SLC7A7: variants seen among roughly 807,000 people sequenced by gnomAD.
SLC7A7 encodes solute carrier family 7 member 7.
SLC7A7 carries 39 observed loss-of-function variants against 47.9 expected under a neutral mutation model. The observed-to-expected ratio is 0.81, with a 90% CI of 0.63 to 1.06. The LOEUF (loss-of-function observed/expected upper bound fraction) is 1.06. Ranked by LOEUF, SLC7A7 falls within the 50% of genes least tolerant of loss-of-function variation. The pLI is 0.00. For synonymous variants in SLC7A7, 234 were observed against 242.8 expected, an observed-to-expected ratio of 0.96 and a Z score of 0.34; for missense variants, 588 against 632.0, an observed-to-expected ratio of 0.93 and a Z score of 0.75.
At chr14:22,782,687 C>T (rs112652644) in intron 2 of SLC7A7, among the ~76,000 whole-genome samples, 15,576 of 151,796 alleles carry the variant, frequency 0.1, 1,035 homozygotes, top group Middle Eastern at 0.16. Context: ...ATCTCGAACT[C>T]CTGAGCTCAG....
chr14:22,814,308 A>C (rs571206978), intron 1 of SLC7A7, among the ~76,000 whole-genome samples: 1 of 151,444 alleles, frequency 6.6e-6, no homozygotes, highest in Admixed American at 6.6e-5. Context: ...ACATTTAGAA[A>C]CCCAGTCTCT....
chr14:22,778,750 G>T (rs762604644), intron 4 of SLC7A7, 43 bp downstream of exon 4: 4 of 1,603,558 alleles, frequency 2.5e-6, no homozygotes, highest in Non-Finnish European at 3.4e-6. Context: ...CTCATTAAAT[G>T]ATGGCTATCA....
rs1376369684 is a variant in SLC7A7 at position 22,775,517 on chromosome 14, T to C, written c.1022A>G (p.Glu341Gly). 6.2e-6 allele frequency: 10 copies of C among 1,614,026 alleles called. No homozygotes were observed. Among genetic ancestry groups the C allele is most frequent in the South Asian group, 3.3e-5 (3 of 91,084 alleles). ...ASRLFFVGSREGHLPDAICMI... is the reference protein window; with the variant it reads ...ASRLFFVGSRGGHLPDAICMI... ...GCAGATGGCATCAGGGAGATGGCCT[T>C]CTCTTGAGCCCACAAAGAAAAGCCT... Residue 341 changes from glutamate (E) to glycine (G), a missense_variant, in exon 7 of 10, where the codon GAA (glutamate) becomes GGA (glycine). Physicochemically the swap from Glu to Gly is moderately conservative, Grantham distance 98. Coordinates refer to ENST00000674313, the MANE Select transcript of SLC7A7 (RefSeq NM_003982.4).
rs755890052 is a variant in SLC7A7, at chr14:22,813,157, A to G, written c.242T>C (p.Leu81Pro). ...ACAAAGGGCCCCAAAGACGGAGAAG[A>G]GGCCCCCGACAGCCCAGATGACCAG... is the stretch of plus-strand genomic sequence containing the variant. ...LSLVIWAVGGLFSVFGALCYA... is the reference protein window; with the variant it reads ...LSLVIWAVGGPFSVFGALCYA... Residue 81 changes from leucine to proline, a missense_variant, in exon 2 of 10, where the codon CTC (leucine) becomes CCC (proline). By Grantham distance (98) the Leu-to-Pro change is moderately conservative. Transcript: ENST00000674313. 5.6e-6 allele frequency: 9 copies of G among 1,614,060 alleles called. No individual in the cohort carries two copies. The highest frequency in any genetic ancestry group is 6.8e-6 in the Non-Finnish European group (8 of 1,180,034).
chr14:22,784,373 AC>A (rs2038775276), intron 2 of SLC7A7, among the ~76,000 whole-genome samples: 1 of 152,200 alleles, frequency 6.6e-6, no homozygotes, highest in Non-Finnish European at 1.5e-5. Flanking sequence ...TAATCCCAGC[AC>A]TTTGGGAGGC....
chr14:22,788,027 C>T (rs1296683489), intron 2 of SLC7A7, among the ~76,000 whole-genome samples: 7 of 145,948 alleles, frequency 4.8e-5, no homozygotes, highest in East Asian at 2.0e-4. Context: ...GAGCCGAGAT[C>T]GCGCCACCGC....
upstream of SLC7A7, among the ~76,000 whole-genome samples, chr14:22,817,004 T>C (rs2039415079): frequency 6.6e-6 from 1 of 152,066 alleles, no homozygotes; most frequent in African/African-American, 2.4e-5. Context: ...CCAGACACAC[T>C]GCTAAGGACT....
chr14:22,786,953 T>A (rs58348456), intron 2 of SLC7A7, among the ~76,000 whole-genome samples: 19,040 of 152,040 alleles, frequency 0.13, 1,803 homozygotes, highest in East Asian at 0.29. Context: ...AAAAAAGTGA[T>A]TTTTTCCCCC....
At chr14:22,774,803 C>T (rs900098807) in intron 7 of SLC7A7, among the ~76,000 whole-genome samples, 10 of 152,104 alleles carry the variant, frequency 6.6e-5, no homozygotes, top group Admixed American at 4.6e-4. Context: ...TACAATAACC[C>T]GCTCTTATCT....
intron 2 of SLC7A7, among the ~76,000 whole-genome samples, chr14:22,791,709 T>G (rs899602028): frequency 6.6e-6 from 1 of 152,142 alleles, no homozygotes. Flanking sequence ...GGTCCAGATA[T>G]AAGCTCTCTG....
intron 3 of SLC7A7, among the ~76,000 whole-genome samples, 196 bp downstream of exon 3, chr14:22,779,730 A>G (rs973925914): frequency 6.6e-6 from 1 of 152,080 alleles, no homozygotes; most frequent in Non-Finnish European, 1.5e-5. Flanking sequence ...CTGGGATTAC[A>G]AGCACGAGCC....
chr14:22,778,645 A>T (rs1415358568), intron 4 of SLC7A7, 148 bp downstream of exon 4: 1 of 759,566 alleles, frequency 1.3e-6, no homozygotes, highest in Non-Finnish European at 2.1e-6. Context: ...TAGACAAGTT[A>T]CTTCTCTGAG....
rs139542099 is a variant in SLC7A7 at position 22,777,866 on chromosome 14, G to C, written c.770+927C>G. On this transcript the variant is annotated intron_variant, in intron 4 of 9. Coordinates refer to ENST00000674313, the MANE Select transcript of SLC7A7 (RefSeq NM_003982.4). ...AGGCGGGCGGATCACCTGAGGTCAG[G>C]AGTTCGAGACCAGCCTGGCCAACAT... Among the ~76,000 whole-genome samples the C allele has an allele frequency of 3.5e-3, 531 of 152,330 alleles. 4 individuals are homozygous for C. The highest frequency in any genetic ancestry group is 0.012 in the African/African-American group (500 of 41,580).
chr14:22,776,386 A>C, intron 4 of SLC7A7, 68 bp from the exon 5 acceptor site: 2 of 1,598,050 alleles, frequency 1.3e-6, no homozygotes, highest in Non-Finnish European at 1.7e-6. Flanking sequence ...TTTAATCCTT[A>C]GACTCTCCCT....
Position 22,773,474 on chromosome 14 carries a change from G to T in SLC7A7, c.*136C>A. 1.3e-6 allele frequency: 1 copy of T among 750,148 alleles called. No homozygotes were observed. The allele number at this position is 750,148 out of a possible 1,614,324, so 46.5% of individuals were successfully genotyped here. A position where few individuals can be genotyped will look rare whatever the true frequency, so the allele number is the denominator to read the frequency against. On this transcript the variant is annotated 3_prime_UTR_variant, in exon 10 of 10. Transcript: ENST00000674313. Reference sequence around the variant, plus strand: ...AATTACTTTTCATTTCAAAAAGTAAGTTCAAAGGTTGAAGCTGCCTAGGCC... The same window carrying T: ...AATTACTTTTCATTTCAAAAAGTAATTTCAAAGGTTGAAGCTGCCTAGGCC...
Position 22,794,562 on chromosome 14 carries a change from G to C in SLC7A7, c.500-14511C>G, listed in dbSNP as rs1003614277. On this transcript the variant is annotated intron_variant, in intron 2 of 9. Transcript: ENST00000674313. Reference sequence around the variant, plus strand: ...ATCAGTACCACCTGAGGAATTTGTCGACCCACAACTTCAGGGCCCCACACC... The same window carrying C: ...ATCAGTACCACCTGAGGAATTTGTCCACCCACAACTTCAGGGCCCCACACC... Among the ~76,000 whole-genome samples the C allele has an allele frequency of 1.3e-5, 2 of 152,124 alleles. 1 individual carries two copies. The highest frequency in any genetic ancestry group is 3.9e-4 in the East Asian group (2 of 5,178).
rs149755922 is a variant in SLC7A7 at position 22,775,530 on chromosome 14, C to G, written c.1009G>C (p.Val337Leu). 1 of 1,614,154 alleles carries G rather than the reference C, an allele frequency of 6.2e-7. No homozygotes were observed. Among genetic ancestry groups the G allele is most frequent in the Non-Finnish European group, 8.5e-7 (1 of 1,180,016 alleles). ...GGGAGATGGCCTTCTCTTGAGCCCA[C>G]AAAGAAAAGCCTATGTTAGGTAAGA... Reference protein sequence around the residue: ...SIVAASRLFFVGSREGHLPDA... With the variant: ...SIVAASRLFFLGSREGHLPDA... Residue 337 changes from valine to leucine, a missense_variant, in exon 7 of 10, where the codon GTG (valine) becomes CTG (leucine). Val to Leu is a conservative substitution (Grantham distance 32). Coordinates refer to ENST00000674313, the MANE Select transcript of SLC7A7 (RefSeq NM_003982.4).
At chr14:22,798,061 C>T (rs906138096) in intron 2 of SLC7A7, among the ~76,000 whole-genome samples, 2 of 152,026 alleles carry the variant, frequency 1.3e-5, no homozygotes, top group Admixed American at 6.6e-5. Context: ...TTTGAGAGGC[C>T]GAGGAAGGTA....
In SLC7A7 at chr14:22,777,004, G is replaced by A. The variant is rs902035157; in HGVS notation, c.771-686C>T. Among the ~76,000 whole-genome samples, 93 of 151,152 alleles carry A rather than the reference G, an allele frequency of 6.2e-4. No homozygotes were observed. The Middle Eastern group carries it at 0.01, about 17-fold the overall frequency. On this transcript the variant is annotated intron_variant, in intron 4 of 9. Transcript: ENST00000674313. ...CCAAAAAAAAAAAAATTAGCCAAGC[G>A]TGGTGGTGCATGCCTGTAATCCCAG... is the stretch of plus-strand genomic sequence containing the variant.
Sources: allele counts gnomAD v4.1 joint callset (sites outside exome capture counted in the v4.1 genomes callset), GRCh38; gene constraint gnomAD v4.1.1; transcripts MANE v1.5; gene names NCBI Gene and HGNC (gene_info 2026-07-23, HGNC 2026-07-21).